The following CAMK2G variants were observed in gnomAD, a reference collection of about 807,000 sequenced individuals.
The protein encoded by CAMK2G is calcium/calmodulin-dependent protein kinase type II subunit gamma.
CAMK2G carries 23 observed loss-of-function variants against 88.7 expected under a neutral mutation model. The observed-to-expected ratio is 0.26, with a 90% CI of 0.19 to 0.37. The LOEUF is 0.37. Ranked by LOEUF, CAMK2G falls within the 10% of genes least tolerant of loss-of-function variation. CAMK2G has a pLI of 1.00. For missense variants in CAMK2G, 476 were observed against 780.8 expected (o/e 0.61, Z 4.65); for synonymous variants, 263 against 294.8 (o/e 0.89, Z 1.11).
chr10:73,839,625 G>A lies in CAMK2G; in HGVS notation c.947-24C>T. 1 of 1,215,990 alleles carries A rather than the reference G, an allele frequency of 8.2e-7. No homozygotes were observed. The highest frequency in any genetic ancestry group is 4.2e-5 in the South Asian group (1 of 24,090). The allele number at this position is 1,215,990 out of a possible 1,614,324, so 75.3% of individuals were successfully genotyped here. A position where few individuals can be genotyped will look rare whatever the true frequency, so the allele number is the denominator to read the frequency against. On this transcript the variant is annotated intron_variant, in intron 12 of 22. Coordinates refer to ENST00000423381, the MANE Select transcript of CAMK2G (RefSeq NM_001367534.1). The surrounding 1 kb of genome is among the most constrained non-coding windows in gnomAD (Gnocchi z 4.2). ...AACTGAGGGGATACAGTCTCTCAGT[G>A]CACAGAGCCCCGCAAAGCCACGGGG... is the stretch of plus-strand genomic sequence containing the variant.
chr10:73,860,788 T>C, intron 3 of CAMK2G, 42 bp downstream of exon 3: 2 of 1,460,986 alleles, frequency 1.4e-6, no homozygotes, highest in Non-Finnish European at 1.9e-6. Context: ...TATCCCTGCT[T>C]CTACAAAATA....
At position 73,848,621 on chromosome 10, in the gene CAMK2G, G is replaced by A. The variant is rs1373371511; in HGVS notation, c.518-12C>T. 1.3e-6 allele frequency: 2 copies of A among 1,549,400 alleles called. No homozygotes were observed. Among genetic ancestry groups the A allele is most frequent in the East Asian group, 4.5e-5 (2 of 44,240 alleles). On this transcript the variant is annotated splice_polypyrimidine_tract_variant and intron_variant, in intron 7 of 22. Coordinates refer to ENST00000423381, the MANE Select transcript of CAMK2G (RefSeq NM_001367534.1). The surrounding 1 kb of genome is among the most constrained non-coding windows in gnomAD (Gnocchi z 4.5). Reference sequence around the variant, plus strand: ...GGTGCCAGCAAAACCTGTAGCAAAAGAGAGGGCAGAGGCATACTGAACCCA... The same window carrying A: ...GGTGCCAGCAAAACCTGTAGCAAAAAAGAGGGCAGAGGCATACTGAACCCA...
chr10:73,857,932 G>A (rs1050772455), intron 3 of CAMK2G, among the ~76,000 whole-genome samples: 10 of 152,232 alleles, frequency 6.6e-5, no homozygotes, highest in African/African-American at 1.9e-4. Context: ...TGAGCGGAAA[G>A]TACAGGGTGT....
chr10:73,853,134 C>T lies in CAMK2G; in HGVS notation c.275+58G>A, dbSNP rs1004672764. 3.9e-6 allele frequency: 6 copies of T among 1,523,612 alleles called. No individual in the cohort carries two copies. In the South Asian group the frequency reaches 4.5e-5, roughly 11 times the overall value. The allele number at this position is 1,523,612 out of a possible 1,614,324, so 94.4% of individuals were successfully genotyped here. On this transcript the variant is annotated intron_variant, in intron 4 of 22. Transcript: ENST00000423381. Reference sequence around the variant, plus strand: ...AGCCTGTTTAGGCCTCTTCCTGAGCCTTCATTTTGAGTCAGCTAGAGGGAA... The same window carrying T: ...AGCCTGTTTAGGCCTCTTCCTGAGCTTTCATTTTGAGTCAGCTAGAGGGAA...
rs537382697 is a variant in CAMK2G, at chr10:73,821,626, G to A, written c.1249+56C>T. 136 of 1,365,216 alleles carry A rather than the reference G, an allele frequency of 1.0e-4. 1 individual carries two copies. In the Admixed American group the frequency reaches 2.4e-3, roughly 24 times the overall value. The allele number at this position is 1,365,216 out of a possible 1,614,324, so 84.6% of individuals were successfully genotyped here. A position where few individuals can be genotyped will look rare whatever the true frequency, so the allele number is the denominator to read the frequency against. ...CAGAAAAGGCAGGTGCCCCATTGGA[G>A]CCCAGGTACCTGGGTCACTGCTGGA... On this transcript the variant is annotated intron_variant, in intron 18 of 22. Coordinates refer to ENST00000423381, the MANE Select transcript of CAMK2G (RefSeq NM_001367534.1).
At chr10:73,854,786 A>G (rs778927453) in intron 3 of CAMK2G, among the ~76,000 whole-genome samples, 1 of 152,090 alleles carries the variant, frequency 6.6e-6, no homozygotes, top group Non-Finnish European at 1.5e-5. Context: ...AACCACCACT[A>G]TAGCCCCCTT....
chr10:73,816,225 C>T, intron 21 of CAMK2G: 4 of 987,576 alleles, frequency 4.1e-6, no homozygotes, highest in Non-Finnish European at 4.8e-6. Flanking sequence ...AGAATGTACA[C>T]CCCACCCCCT....
chr10:73,841,168 C>T (rs576283935), intron 12 of CAMK2G, among the ~76,000 whole-genome samples: 3 of 152,348 alleles, frequency 2.0e-5, no homozygotes, highest in South Asian at 2.1e-4. Context: ...AAGGCCCTGG[C>T]GTTACCTGGA....
At chr10:73,852,358 G>T (rs747425864) in intron 4 of CAMK2G, 39 bp from the exon 5 acceptor site, 13 of 1,573,232 alleles carry the variant, frequency 8.3e-6, no homozygotes, top group Non-Finnish European at 1.1e-5. Flanking sequence ...AGGCAGAAAG[G>T]GTCCTTTGTC....
At chr10:73,869,709 G>A (rs1354423001) in intron 2 of CAMK2G, among the ~76,000 whole-genome samples, 2 of 152,218 alleles carry the variant, frequency 1.3e-5, no homozygotes, top group East Asian at 1.9e-4. Flanking sequence ...TCCTCACAAA[G>A]AGGAAAGCTT....
At chr10:73,841,269 TG>T (rs2093759781) in intron 12 of CAMK2G, among the ~76,000 whole-genome samples, 1 of 151,504 alleles carries the variant, frequency 6.6e-6, no homozygotes, top group Non-Finnish European at 1.5e-5. Flanking sequence ...CTTTCCATGG[TG>T]GTGCAGAGGG....
Position 73,860,510 on chromosome 10 carries a change from C to G in CAMK2G, c.220+320G>C, listed in dbSNP as rs560365451. On this transcript the variant is annotated intron_variant, in intron 3 of 22. Coordinates refer to ENST00000423381, the MANE Select transcript of CAMK2G (RefSeq NM_001367534.1). ...GCCCCTGGTGAGGGACGCTGGCAGG[C>G]TAGGAGCCCGGAACCTCACACGCTG... 1.2e-4 allele frequency among the ~76,000 whole-genome samples: 19 copies of G among 152,306 alleles called. No individual in the cohort carries two copies. In the East Asian group the frequency reaches 3.7e-3, roughly 29 times the overall value.
intron 17 of CAMK2G, 143 bp from the exon 18 acceptor site, chr10:73,821,873 A>C: frequency 3.0e-6 from 2 of 671,596 alleles, no homozygotes; most frequent in South Asian, 1.7e-5. Context: ...TGGCTGTCTG[A>C]CTCTTCCCAA....
At chr10:73,866,862 TG>T (rs2095615075) in intron 2 of CAMK2G, among the ~76,000 whole-genome samples, 1 of 152,224 alleles carries the variant, frequency 6.6e-6, no homozygotes, top group Admixed American at 6.5e-5. Context: ...TGCACAGCCC[TG>T]GGCCTGGGAC....
chr10:73,840,279 G>C (rs1470314135), intron 12 of CAMK2G, among the ~76,000 whole-genome samples: 1 of 152,190 alleles, frequency 6.6e-6, no homozygotes. Context: ...GAAAACAAAG[G>C]CTGCTGAAGC....
intron 12 of CAMK2G, among the ~76,000 whole-genome samples, chr10:73,840,898 G>A (rs1344665786): frequency 6.6e-6 from 1 of 152,240 alleles, no homozygotes; most frequent in Non-Finnish European, 1.5e-5. Flanking sequence ...GCAAGTGTGG[G>A]ACTACAGTTG....
intron 2 of CAMK2G, among the ~76,000 whole-genome samples, chr10:73,862,277 T>G (rs2095411628): frequency 7.2e-6 from 1 of 139,176 alleles, no homozygotes; most frequent in Non-Finnish European, 1.5e-5. Context: ...CGGTAGACTG[T>G]GACTTCTCCC....
chr10:73,828,115 T>G lies in CAMK2G; in HGVS notation c.1060A>C (p.Lys354Gln). The change falls in exon 15 of 23, where the codon AAG (lysine) becomes CAG (glutamine). Residue 354 changes from lysine (K) to glutamine (Q), a missense_variant. Lys to Gln is a moderately conservative substitution (Grantham distance 53). Coordinates refer to ENST00000423381, the MANE Select transcript of CAMK2G (RefSeq NM_001367534.1). ...ATTAGGTGCACGCTGGAACTCGACTTCCTTTTCTGGACACACCACAGCAAG... is the reference window on the plus strand; with the variant it reads ...ATTAGGTGCACGCTGGAACTCGACTGCCTTTTCTGGACACACCACAGCAAG... ...KKSDGGVKKR[K>Q]SSSSVHLMPQ... The G allele has an allele frequency of 6.2e-7, 1 of 1,613,454 alleles. No homozygotes were observed. Among genetic ancestry groups the G allele is most frequent in the East Asian group, 2.2e-5 (1 of 44,872 alleles).
intron 9 of CAMK2G, 150 bp downstream of exon 9, chr10:73,847,838 G>T: frequency 1.7e-6 from 1 of 586,998 alleles, no homozygotes; most frequent in East Asian, 2.7e-5. Flanking sequence ...GGCAAGAATT[G>T]GGCCCTGGAT....
Sources: allele counts gnomAD v4.1 joint callset (sites outside exome capture counted in the v4.1 genomes callset), GRCh38; gene constraint gnomAD v4.1.1; non-coding constraint Gnocchi (gnomAD v3.1); transcripts MANE v1.5; gene names NCBI Gene and HGNC (gene_info 2026-07-23, HGNC 2026-07-21).